The following PARD3B variants were observed in gnomAD, a reference collection of about 807,000 sequenced individuals.
The protein encoded by PARD3B is partitioning defective 3 homolog B.
Under a neutral mutation model 130.2 loss-of-function variants are expected in PARD3B, and 103 were observed. That is an observed-to-expected ratio of 0.79 (90% CI 0.67 to 0.93). The LOEUF (loss-of-function observed/expected upper bound fraction) is 0.93. Ranked by LOEUF, PARD3B falls within the 40% of genes least tolerant of loss-of-function variation. PARD3B has a pLI of 0.00. For missense variants in PARD3B, 1,609 were observed against 1,499.2 expected, an observed-to-expected ratio of 1.07 and a Z score of -1.21; for synonymous variants, 583 against 553.2, an observed-to-expected ratio of 1.05 and a Z score of -0.76.
At chr2:205,114,443 C>G (rs1364948113) in intron 6 of PARD3B, among the ~76,000 whole-genome samples, 2 of 152,050 alleles carry the variant, frequency 1.3e-5, no homozygotes, top group Non-Finnish European at 2.9e-5. Flanking sequence ...AGTTAACTTA[C>G]TGAATTTATT....
intron 2 of PARD3B, among the ~76,000 whole-genome samples, chr2:204,694,904 ACAG>A (rs1238743799): frequency 6.6e-6 from 1 of 152,058 alleles, no homozygotes; most frequent in Non-Finnish European, 1.5e-5. Context: ...ATTGTGACAC[ACAG>A]GTTTCATCAG....
chr2:204,834,470 C>T (rs991319909), intron 2 of PARD3B, among the ~76,000 whole-genome samples: 1 of 152,130 alleles, frequency 6.6e-6, no homozygotes, highest in Admixed American at 6.5e-5. Flanking sequence ...AGAGGAGCTA[C>T]ATTATAATGG....
intron 18 of PARD3B, among the ~76,000 whole-genome samples, chr2:205,393,511 G>A (rs746382052): frequency 2.0e-5 from 3 of 152,186 alleles, no homozygotes; most frequent in African/African-American, 4.8e-5. Flanking sequence ...ACCCAAAGAC[G>A]TTTCCTGATA....
At chr2:205,503,060 C>T (rs2050217290) in intron 21 of PARD3B, among the ~76,000 whole-genome samples, 1 of 151,252 alleles carries the variant, frequency 6.6e-6, no homozygotes, top group South Asian at 2.1e-4. Flanking sequence ...CCCTCTTCCC[C>T]TCTCCCCTTT....
chr2:205,416,348 T>C (rs921238409), intron 19 of PARD3B, among the ~76,000 whole-genome samples: 1 of 152,186 alleles, frequency 6.6e-6, no homozygotes, highest in Non-Finnish European at 1.5e-5. Context: ...CCTTAATGAA[T>C]TGGAAAAGTA....
At position 205,405,087 on chromosome 2, in the gene PARD3B, G is replaced by T. The variant is rs998928118; in HGVS notation, c.2741+3964G>T. 2.0e-5 allele frequency among the ~76,000 whole-genome samples: 3 copies of T among 151,944 alleles called. No homozygotes were observed. The highest frequency in any genetic ancestry group is 4.4e-5 in the Non-Finnish European group (3 of 67,998). On this transcript the variant is annotated intron_variant, in intron 19 of 22. Transcript: ENST00000406610. The surrounding 1 kb of genome is among the most constrained non-coding windows in gnomAD (Gnocchi z 4.1). ...CGAAACCATTTTGCTGCTATATATG[G>T]ATAGTTTATCTATAGCTACATGTAC...
At chr2:204,730,504 G>A (rs1353149245) in intron 2 of PARD3B, among the ~76,000 whole-genome samples, 1 of 151,210 alleles carries the variant, frequency 6.6e-6, no homozygotes, top group Non-Finnish European at 1.5e-5. Context: ...AAAGGTGGAA[G>A]AGTACTTAGC....
chr2:205,599,520 T>C (rs2054700563), intron 22 of PARD3B, among the ~76,000 whole-genome samples: 1 of 152,148 alleles, frequency 6.6e-6, no homozygotes, highest in Admixed American at 6.5e-5. Flanking sequence ...AAAAAGGAGT[T>C]GGGCTCAAAT....
chr2:205,222,760 A>T (rs1337863934), intron 15 of PARD3B, among the ~76,000 whole-genome samples: 3 of 152,152 alleles, frequency 2.0e-5, no homozygotes, highest in Non-Finnish European at 4.4e-5. Flanking sequence ...TTACAATTTG[A>T]GTGGTAAACA....
At chr2:205,053,292 G>C (rs1174975115) in intron 4 of PARD3B, among the ~76,000 whole-genome samples, 3 of 151,706 alleles carry the variant, frequency 2.0e-5, no homozygotes, top group Non-Finnish European at 4.4e-5. Flanking sequence ...TAAAATAATT[G>C]ATCGCCACTG....
chr2:205,602,295 T>C (rs558537501), intron 22 of PARD3B, among the ~76,000 whole-genome samples: 1 of 152,238 alleles, frequency 6.6e-6, no homozygotes. Flanking sequence ...TTAATGAGGA[T>C]TTTTGCATTG....
chr2:205,422,326 A>G (rs2106097234), intron 19 of PARD3B, among the ~76,000 whole-genome samples: 1 of 152,312 alleles, frequency 6.6e-6, no homozygotes, highest in East Asian at 1.9e-4. Context: ...AGCGTCACAG[A>G]TCATCGTAGG....
chr2:205,515,777 C>G (rs1006445365), intron 21 of PARD3B, among the ~76,000 whole-genome samples: 13 of 152,048 alleles, frequency 8.5e-5, no homozygotes, highest in African/African-American at 3.1e-4. Context: ...GCTTCTTTTG[C>G]TGTGCAGAAG....
At chr2:205,435,129 A>C (rs2047468071) in intron 19 of PARD3B, among the ~76,000 whole-genome samples, 1 of 152,116 alleles carries the variant, frequency 6.6e-6, no homozygotes, top group South Asian at 2.1e-4. Context: ...TAAGGTATAA[A>C]GGCTACCTCT....
chr2:205,589,008 C>T lies in PARD3B; in HGVS notation c.3261-26448C>T, dbSNP rs1359016460. Among the ~76,000 whole-genome samples the T allele has an allele frequency of 1.3e-5, 2 of 152,226 alleles. No homozygotes were observed. On this transcript the variant is annotated intron_variant, in intron 22 of 22. Coordinates refer to ENST00000406610, the MANE Select transcript of PARD3B (RefSeq NM_001302769.2). This position sits in a 1 kb window ranked among gnomAD's most constrained non-coding sequence, Gnocchi z 4.1. ...CTGCCATTCAAATAAGCATCTCTGG[C>T]TGGGCATGGTGGCTCATGCCCATAA...
chr2:204,651,176 CT>C (rs2035464066), intron 1 of PARD3B, among the ~76,000 whole-genome samples: 1 of 152,198 alleles, frequency 6.6e-6, no homozygotes, highest in South Asian at 2.1e-4. Context: ...AAAGTCTTAA[CT>C]CATTCTAGCA....
intron 13 of PARD3B, among the ~76,000 whole-genome samples, chr2:205,179,398 C>T (rs1406014452): frequency 6.6e-6 from 1 of 152,170 alleles, no homozygotes; most frequent in East Asian, 1.9e-4. Flanking sequence ...ATTTACTCAT[C>T]CTCACTCACT....
chr2:205,290,224 C>T (rs1021035619), intron 16 of PARD3B, among the ~76,000 whole-genome samples: 3 of 152,162 alleles, frequency 2.0e-5, no homozygotes, highest in African/African-American at 7.2e-5. Context: ...TGAGATGGGT[C>T]CTTCTTGAGC....
At chr2:204,685,095 A>G (rs977612396) in intron 1 of PARD3B, among the ~76,000 whole-genome samples, 11 of 152,148 alleles carry the variant, frequency 7.2e-5, no homozygotes, top group Non-Finnish European at 1.3e-4. Context: ...CATTTCTATT[A>G]GCTTTTATGA....
Sources: allele counts gnomAD v4.1 joint callset (sites outside exome capture counted in the v4.1 genomes callset), GRCh38; gene constraint gnomAD v4.1.1; non-coding constraint Gnocchi (gnomAD v3.1); transcripts MANE v1.5; gene names NCBI Gene and HGNC (gene_info 2026-07-23, HGNC 2026-07-21).